Variants in HS2ST1 observed in about 807,000 individuals in gnomAD.
HS2ST1 encodes the protein 2-O-sulfotransferase.
In HS2ST1, 18 loss-of-function variants were observed where a neutral mutation model predicts 42.9. The ratio of observed to expected loss-of-function variants is 0.42; its 90% CI spans 0.29 to 0.62. The LOEUF is 0.62. Ranked by LOEUF, HS2ST1 falls within the 20% of genes least tolerant of loss-of-function variation. The pLI, the probability that HS2ST1 is intolerant of heterozygous loss-of-function variation, is 0.21. For missense variants in HS2ST1, 334 were observed against 433.8 expected, an observed-to-expected ratio of 0.77 and a Z score of 2.04; for synonymous variants, 146 against 152.9, an observed-to-expected ratio of 0.95 and a Z score of 0.33.
At chr1:87,100,019 T>A (rs1309232530) in intron 5 of HS2ST1, among the ~76,000 whole-genome samples, 1 of 152,224 alleles carries the variant, frequency 6.6e-6, no homozygotes, top group Non-Finnish European at 1.5e-5. Context: ...ACAGCCCACA[T>A]GGCTGCTCTC....
chr1:86,945,185 A>C (rs1647294390), intron 1 of HS2ST1, among the ~76,000 whole-genome samples: 1 of 152,196 alleles, frequency 6.6e-6, no homozygotes, highest in Non-Finnish European at 1.5e-5. Context: ...TTTGATGAGG[A>C]AAATTCATGC....
intron 1 of HS2ST1, among the ~76,000 whole-genome samples, chr1:87,061,244 T>G (rs923864029): frequency 6.6e-6 from 1 of 151,724 alleles, no homozygotes; most frequent in Non-Finnish European, 1.5e-5. Context: ...TATTTGGTAA[T>G]TTTTTTGAAG....
chr1:87,045,546 T>A (rs1650631539), intron 1 of HS2ST1: 2 of 805,354 alleles, frequency 2.5e-6, no homozygotes, highest in Non-Finnish European at 4.5e-6. Context: ...GTTGGGAGGA[T>A]CCAGTGCACA....
At chr1:87,066,864 T>A (rs1006848327) in intron 1 of HS2ST1, among the ~76,000 whole-genome samples, 2 of 152,136 alleles carry the variant, frequency 1.3e-5, no homozygotes, top group African/African-American at 2.4e-5. Context: ...GAATGATGGT[T>A]TTCAGCTTTA....
intron 1 of HS2ST1, chr1:87,045,291 A>C (rs879246337): frequency 2.4e-5 from 27 of 1,117,058 alleles, no homozygotes; most frequent in East Asian, 4.7e-5. Context: ...TGGAGGAAGT[A>C]ATCTGCTTGA....
At chr1:86,943,557 A>G (rs1647227407) in intron 1 of HS2ST1, among the ~76,000 whole-genome samples, 1 of 152,016 alleles carries the variant, frequency 6.6e-6, no homozygotes, top group African/African-American at 2.4e-5. Flanking sequence ...CGTTGTCTCT[A>G]CAAAAAGTAC....
At chr1:86,942,626 G>A (rs1238417167) in intron 1 of HS2ST1, among the ~76,000 whole-genome samples, 1 of 152,090 alleles carries the variant, frequency 6.6e-6, no homozygotes, top group Non-Finnish European at 1.5e-5. Context: ...TTTTTCTGCA[G>A]CACTGTTTAG....
intron 3 of HS2ST1, among the ~76,000 whole-genome samples, chr1:87,086,035 T>C (rs1039946664): frequency 2.0e-5 from 3 of 152,202 alleles, no homozygotes; most frequent in African/African-American, 4.8e-5. Context: ...AAAATCAGCC[T>C]AGGTGAAATG....
intron 1 of HS2ST1, among the ~76,000 whole-genome samples, chr1:86,983,806 G>A (rs1482997215): frequency 1.3e-5 from 2 of 152,166 alleles, no homozygotes; most frequent in Non-Finnish European, 2.9e-5. Context: ...CCTTTGGGAG[G>A]CCGAGGCGGG....
chr1:87,061,973 T>C (rs908269075), intron 1 of HS2ST1, among the ~76,000 whole-genome samples: 2 of 151,896 alleles, frequency 1.3e-5, no homozygotes, highest in African/African-American at 4.8e-5. Context: ...GCCATCCTAG[T>C]GTGTATGAAG....
At chr1:87,066,215 T>C (rs989849613) in intron 1 of HS2ST1, among the ~76,000 whole-genome samples, 2 of 152,250 alleles carry the variant, frequency 1.3e-5, no homozygotes, top group African/African-American at 4.8e-5. Flanking sequence ...TTTAAAAGAA[T>C]TGAGTTTGTT....
At chr1:86,976,057 C>T (rs1648391513) in intron 1 of HS2ST1, among the ~76,000 whole-genome samples, 1 of 152,140 alleles carries the variant, frequency 6.6e-6, no homozygotes, top group South Asian at 2.1e-4. Flanking sequence ...TTATTAAATG[C>T]ATTATGATTA....
chr1:86,930,466 C>T (rs781680236), intron 1 of HS2ST1, among the ~76,000 whole-genome samples: 1 of 151,860 alleles, frequency 6.6e-6, no homozygotes, highest in Non-Finnish European at 1.5e-5. Flanking sequence ...CCACATGAAG[C>T]GTAATACCCC....
rs114844300 is a variant in HS2ST1, at chr1:86,969,324, C to T, written c.124+54164C>T. Among the ~76,000 whole-genome samples the T allele has an allele frequency of 7.2e-3, 1,091 of 152,320 alleles. 12 individuals are homozygous for T. The highest frequency in any genetic ancestry group is 0.025 in the African/African-American group (1,042 of 41,558). On this transcript the variant is annotated intron_variant, in intron 1 of 6. Transcript: ENST00000370550. ...TCTATGCCCTTTTCTTTCTGAAGCA[C>T]ACATTTTTAACTTGTTTATTGAGCC... is the stretch of plus-strand genomic sequence containing the variant.
chr1:86,954,626 A>C (rs1474199692), intron 1 of HS2ST1, among the ~76,000 whole-genome samples: 1 of 152,192 alleles, frequency 6.6e-6, no homozygotes, highest in Non-Finnish European at 1.5e-5. Context: ...ATTGTTGATA[A>C]TGATTCATTG....
intron 5 of HS2ST1, among the ~76,000 whole-genome samples, chr1:87,101,247 C>A (rs1399121654): frequency 1.4e-5 from 2 of 143,636 alleles, no homozygotes; most frequent in Non-Finnish European, 3.0e-5. Flanking sequence ...TTCACTGCAA[C>A]CTCCGCCTCC....
chr1:86,994,474 C>G (rs1193529343), intron 1 of HS2ST1, among the ~76,000 whole-genome samples: 2 of 152,006 alleles, frequency 1.3e-5, no homozygotes, highest in Non-Finnish European at 2.9e-5. Context: ...GAGTGTAGGC[C>G]AATTCTAGAA....
At chr1:86,976,454 C>G (rs1304800461) in intron 1 of HS2ST1, among the ~76,000 whole-genome samples, 1 of 151,902 alleles carries the variant, frequency 6.6e-6, no homozygotes, top group Non-Finnish European at 1.5e-5. Context: ...GTTAGAAAGA[C>G]TAAAGCTTTC....
intron 1 of HS2ST1, among the ~76,000 whole-genome samples, chr1:86,949,015 G>A (rs979442172): frequency 2.6e-5 from 4 of 152,042 alleles, no homozygotes; most frequent in Admixed American, 6.6e-5. Context: ...TTCTTTTACC[G>A]TATTATTATT....
Sources: gnomAD v4.1 joint callset for allele counts (sites outside exome capture counted in the v4.1 genomes callset) on GRCh38, gnomAD v4.1.1 for gene constraint, MANE v1.5 for transcripts, NCBI Gene and HGNC (gene_info 2026-07-23, HGNC 2026-07-21) for gene names.